Variants in TTC28 observed in about 807,000 individuals in gnomAD.
The protein encoded by TTC28 is tetratricopeptide repeat domain 28.
In TTC28, 61 loss-of-function variants were observed where a neutral mutation model predicts 198.0. The observed-to-expected ratio is 0.31, with a 90% confidence interval of 0.25 to 0.38. TTC28 has a LOEUF of 0.38. TTC28 is among the 10% of genes least tolerant of loss of function. The probability of loss-of-function intolerance (pLI) is 1.00; values close to 1 mark genes in which losing one functional copy is unlikely to be tolerated. For missense variants in TTC28, 2,678 were observed against 3,164.0 expected (o/e 0.85, Z 3.69); for synonymous variants, 1,171 against 1,297.8 (o/e 0.90, Z 2.10).
At chr22:28,663,260 A>AG (rs1555909250) in intron 1 of TTC28, among the ~76,000 whole-genome samples, 1 of 151,752 alleles carries the variant, frequency 6.6e-6, no homozygotes, top group Non-Finnish European at 1.5e-5. Context: ...AAAAAAAAAA[A>AG]AAAGAAAGAA....
rs537571020 is a variant in TTC28 at position 28,679,602 on chromosome 22, C to G, written c.102+20G>C. 2,272 of 1,436,722 alleles carry G rather than the reference C, an allele frequency of 1.6e-3. 6 individuals are homozygous for G. In the East Asian group the frequency reaches 0.03, roughly 19 times the overall value. The allele number at this position is 1,436,722 out of a possible 1,614,324, so 89.0% of individuals were successfully genotyped here. On this transcript the variant is annotated intron_variant, in intron 1 of 22. Coordinates refer to ENST00000397906, the MANE Select transcript of TTC28 (RefSeq NM_001145418.2). ...GTTTCACAAAGAAAGTCTCCCGGCC[C>G]GAGCCCCTCACGCACTCACCGGCGC...
chr22:28,377,286 G>C (rs1389706648), intron 2 of TTC28, among the ~76,000 whole-genome samples: 1 of 148,540 alleles, frequency 6.7e-6, no homozygotes, highest in African/African-American at 2.5e-5. Flanking sequence ...GTAATACATA[G>C]GACATAATAC....
chr22:28,027,577 G>C (rs957402576), intron 13 of TTC28, among the ~76,000 whole-genome samples: 51 of 152,220 alleles, frequency 3.4e-4, no homozygotes, highest in African/African-American at 1.2e-3. Context: ...AGCCCCCGGA[G>C]AGGGAAGCCC....
intron 2 of TTC28, among the ~76,000 whole-genome samples, chr22:28,327,669 T>A (rs2045553262): frequency 6.6e-6 from 1 of 152,178 alleles, no homozygotes; most frequent in Admixed American, 6.6e-5. Context: ...ATTAATTGCA[T>A]GTTTTGATTA....
At chr22:28,644,561 C>A (rs758233413) in intron 1 of TTC28, among the ~76,000 whole-genome samples, 1 of 152,120 alleles carries the variant, frequency 6.6e-6, no homozygotes, top group Non-Finnish European at 1.5e-5. Context: ...CAGTGGCTCA[C>A]GCCTATAATC....
chr22:28,420,016 T>C (rs2047223523), intron 2 of TTC28, among the ~76,000 whole-genome samples: 1 of 152,230 alleles, frequency 6.6e-6, no homozygotes. Flanking sequence ...CTGATTTTTT[T>C]CCTATGCAGC....
At chr22:28,222,538 T>G (rs1413952695) in intron 5 of TTC28, among the ~76,000 whole-genome samples, 3 of 152,212 alleles carry the variant, frequency 2.0e-5, no homozygotes, top group Non-Finnish European at 4.4e-5. Flanking sequence ...GAGACTTTAA[T>G]GAGTAAACCT....
intron 2 of TTC28, among the ~76,000 whole-genome samples, chr22:28,486,230 G>A (rs1568974123): frequency 1.3e-5 from 2 of 152,048 alleles, no homozygotes; most frequent in Non-Finnish European, 2.9e-5. Context: ...TTATCAGGTT[G>A]AAAGAAACAA....
chr22:28,086,597 A>G (rs1389176811), intron 12 of TTC28, among the ~76,000 whole-genome samples: 3 of 152,184 alleles, frequency 2.0e-5, no homozygotes, highest in Non-Finnish European at 4.4e-5. Flanking sequence ...CATCACAATT[A>G]AAAGAACTAG....
chr22:28,047,185 C>A (rs1419838216), intron 12 of TTC28, among the ~76,000 whole-genome samples: 1 of 152,174 alleles, frequency 6.6e-6, no homozygotes, highest in Non-Finnish European at 1.5e-5. Context: ...ACAGGGGATA[C>A]CACTCAGAGA....
At chr22:28,154,750 G>A (rs1943713696) in intron 6 of TTC28, among the ~76,000 whole-genome samples, 1 of 152,126 alleles carries the variant, frequency 6.6e-6, no homozygotes, top group Admixed American at 6.5e-5. Flanking sequence ...TTGTTCCTAA[G>A]AAATCTAAAG....
chr22:28,336,514 G>C (rs183766343), intron 2 of TTC28, among the ~76,000 whole-genome samples: 25 of 152,270 alleles, frequency 1.6e-4, no homozygotes, highest in African/African-American at 4.8e-4. Context: ...CTCAATTTGA[G>C]AGCCTGTTAT....
chr22:28,014,069 T>C (rs539396906), intron 14 of TTC28, among the ~76,000 whole-genome samples, 179 bp downstream of exon 14: 1 of 152,332 alleles, frequency 6.6e-6, no homozygotes, highest in East Asian at 1.9e-4. Flanking sequence ...ACCAAGTCTG[T>C]GCTCCACCTT....
At chr22:28,132,394 G>A (rs575210439) in intron 6 of TTC28, among the ~76,000 whole-genome samples, 8 of 152,294 alleles carry the variant, frequency 5.3e-5, no homozygotes, top group African/African-American at 1.2e-4. Flanking sequence ...TCAACAGGAC[G>A]CTGATTATGG....
At chr22:28,173,857 G>A (rs1324895678) in intron 5 of TTC28, among the ~76,000 whole-genome samples, 1 of 151,992 alleles carries the variant, frequency 6.6e-6, no homozygotes, top group African/African-American at 2.4e-5. Flanking sequence ...CTTACCATAT[G>A]TATTTATCAT....
intron 2 of TTC28, among the ~76,000 whole-genome samples, chr22:28,477,574 T>C (rs375939464): frequency 2.6e-5 from 4 of 152,252 alleles, no homozygotes; most frequent in African/African-American, 9.6e-5. Context: ...GGAGTTTATT[T>C]GGATTCTGAT....
At chr22:28,312,928 T>C (rs933209870) in intron 2 of TTC28, among the ~76,000 whole-genome samples, 2 of 151,982 alleles carry the variant, frequency 1.3e-5, no homozygotes, top group African/African-American at 4.8e-5. Context: ...CAGGAGCTAG[T>C]TTTTTAAAAA....
At chr22:28,084,786 C>G (rs1300099078) in intron 12 of TTC28, among the ~76,000 whole-genome samples, 2 of 152,002 alleles carry the variant, frequency 1.3e-5, no homozygotes, top group Admixed American at 1.3e-4. Flanking sequence ...GAATGGATAA[C>G]TAGAATAATC....
intron 2 of TTC28, among the ~76,000 whole-genome samples, chr22:28,348,988 C>T (rs1269288513): frequency 6.6e-6 from 1 of 152,218 alleles, no homozygotes; most frequent in African/African-American, 2.4e-5. Context: ...TCAAATGACA[C>T]ACACAGTGCC....
Sources: gnomAD v4.1 joint callset for allele counts (sites outside exome capture counted in the v4.1 genomes callset) on GRCh38, gnomAD v4.1.1 for gene constraint, MANE v1.5 for transcripts, NCBI Gene and HGNC (gene_info 2026-07-23, HGNC 2026-07-21) for gene names.